The following F8 variants were observed in gnomAD, a reference collection of about 807,000 sequenced individuals.
The protein encoded by F8 is antihemophilic factor.
In F8, 12 loss-of-function variants were observed where a neutral mutation model predicts 140.6. The ratio of observed to expected loss-of-function variants is 0.09; its 90% CI spans 0.05 to 0.14. The LOEUF (loss-of-function observed/expected upper bound fraction) is 0.14, where lower values mean the gene tolerates loss of function less well. Among genes scored for constraint, F8 ranks in the 10% least tolerant of loss-of-function variants. The pLI is 1.00. For missense variants in F8, 1,354 were observed against 1,720.7 expected (o/e 0.79, Z 3.77); for synonymous variants, 585 against 614.6 (o/e 0.95, Z 0.71).
At chrX:154,971,481 T>C (rs2073456138) in intron 6 of F8, among the ~76,000 whole-genome samples, 1 of 112,167 alleles carries the variant, frequency 8.9e-6, no homozygotes, top group Admixed American at 9.5e-5. Flanking sequence ...TGTGTAATTA[T>C]TCAAATCAGG....
rs782285748 is a variant in F8 at position 154,904,910 on chromosome X, A to C, written c.5487T>G (p.Asn1829Lys). 2.5e-6 allele frequency: 3 copies of C among 1,210,545 alleles called. No homozygotes were observed. The East Asian group carries it at 8.9e-5, about 36-fold the overall frequency. The change falls in exon 16 of 26, where the codon AAT (asparagine) becomes AAG (lysine). Residue 1829 changes from asparagine to lysine, a missense_variant. Asn to Lys is a moderately conservative substitution (Grantham distance 94, BLOSUM62 0). Around this residue, in one of 4 missense-constraint regions of F8, gnomAD observed 316 missense variants for 485.4 expected, o/e 0.65. Coordinates refer to ENST00000360256, the MANE Select transcript of F8 (RefSeq NM_000132.4). ...CTTTCCAAAAGTAAGTTTTGGTTTC[A>C]TTAGGCTTGACAAAGTTTTTTCTAG... Reference protein sequence around the residue: ...AEPRKNFVKPNETKTYFWKVQ... With the variant: ...AEPRKNFVKPKETKTYFWKVQ...
At chrX:154,918,343 C>T (rs1399817351) in intron 14 of F8, among the ~76,000 whole-genome samples, 2 of 111,170 alleles carry the variant, frequency 1.8e-5, no homozygotes, top group Non-Finnish European at 3.8e-5. Flanking sequence ...ATGTGTTTTG[C>T]ATGCTGGGGT....
chrX:154,848,349 G>T (rs1253197365), intron 25 of F8, among the ~76,000 whole-genome samples: 1 of 112,884 alleles, frequency 8.9e-6, no homozygotes, highest in Non-Finnish European at 1.9e-5. Flanking sequence ...AGAGGTTACT[G>T]CTGTCTTTTT....
chrX:154,954,284 GT>G (rs2073352720), intron 11 of F8, among the ~76,000 whole-genome samples: 1 of 111,627 alleles, frequency 9.0e-6, no homozygotes, highest in South Asian at 3.7e-4. Context: ...ACTGAACTTA[GT>G]TTTTTCTGCA....
intron 12 of F8, among the ~76,000 whole-genome samples, chrX:154,952,527 A>C: frequency 9.2e-6 from 1 of 109,239 alleles, no homozygotes; most frequent in African/African-American, 3.3e-5. Flanking sequence ...CAAGGTTCCC[A>C]TGCATTTCGT....
At chrX:154,869,700 A>T (rs782728044) in intron 22 of F8, among the ~76,000 whole-genome samples, 5 of 112,059 alleles carry the variant, frequency 4.5e-5, no homozygotes, top group Admixed American at 9.5e-5. Context: ...AGATCAGAGC[A>T]GAACTGAAGG....
chrX:154,926,021 C>T (rs2073158547), intron 14 of F8, among the ~76,000 whole-genome samples: 1 of 111,996 alleles, frequency 8.9e-6, no homozygotes, highest in Non-Finnish European at 1.9e-5. Flanking sequence ...TGAATCATGG[C>T]AGTAGGTCCT....
chrX:154,841,208 CTT>C (rs1168917544), intron 25 of F8, among the ~76,000 whole-genome samples: 893 of 48,672 alleles, frequency 0.018, 10 homozygotes, highest in African/African-American at 0.065. Context: ...TTGCTTTCTT[CTT>C]TTTTTTTTTT....
chrX:154,958,645 G>T lies in F8; in HGVS notation c.1538-1474C>A, dbSNP rs192065625. 8.9e-5 allele frequency among the ~76,000 whole-genome samples: 10 copies of T among 111,931 alleles called. No individual in the cohort carries two copies. In the East Asian group the frequency reaches 2.2e-3, roughly 25 times the overall value. On this transcript the variant is annotated intron_variant, in intron 10 of 25. Coordinates refer to ENST00000360256, the MANE Select transcript of F8 (RefSeq NM_000132.4). ...GGAATTTTTTTTGAGATGCAGTCTTGCTCTGTTGCCCAGGCTGGAGTGCAG... is the reference window on the plus strand; with the variant it reads ...GGAATTTTTTTTGAGATGCAGTCTTTCTCTGTTGCCCAGGCTGGAGTGCAG...
At chrX:154,976,814 C>T (rs1440874701) in intron 6 of F8, among the ~76,000 whole-genome samples, 3 of 111,885 alleles carry the variant, frequency 2.7e-5, no homozygotes, top group Non-Finnish European at 5.6e-5. Context: ...TCTCAGTAAA[C>T]TATCGCAAGA....
chrX:154,961,267 T>A, intron 9 of F8, 99 bp from the exon 10 acceptor site: 1 of 521,657 alleles, frequency 1.9e-6, no homozygotes, highest in Non-Finnish European at 3.3e-6. Context: ...GGCCTCTATC[T>A]ACATTATAGT....
intron 4 of F8, among the ~76,000 whole-genome samples, chrX:154,989,096 G>A (rs1394036912): frequency 8.9e-6 from 1 of 111,782 alleles, no homozygotes; most frequent in Non-Finnish European, 1.9e-5. Flanking sequence ...GGTTTTCAGC[G>A]AGGTTGGGGT....
chrX:154,984,999 G>A lies in F8; in HGVS notation c.671-196C>T, dbSNP rs782493975. Among the ~76,000 whole-genome samples the A allele has an allele frequency of 3.6e-5, 4 of 112,158 alleles. No homozygotes were observed. In the South Asian group the frequency reaches 1.5e-3, roughly 42 times the overall value. On this transcript the variant is annotated intron_variant, in intron 5 of 25. Coordinates refer to ENST00000360256, the MANE Select transcript of F8 (RefSeq NM_000132.4). ...AATTATGTAAAGGCAGACATCTCTT[G>A]CTCAAACTGATTTTCTCTCCCTCCA... is the stretch of plus-strand genomic sequence containing the variant.
intron 7 of F8, among the ~76,000 whole-genome samples, chrX:154,967,227 A>G (rs1364112102): frequency 9.0e-6 from 1 of 111,460 alleles, no homozygotes; most frequent in Non-Finnish European, 1.9e-5. Context: ...ATTGGGAAAA[A>G]TGTTAGTGTA....
At chrX:155,005,936 C>A (rs1443790402) in intron 1 of F8, among the ~76,000 whole-genome samples, 2 of 111,634 alleles carry the variant, frequency 1.8e-5, no homozygotes, top group African/African-American at 3.3e-5. Flanking sequence ...ACCTCAACTT[C>A]TTTTACCCAA....
At chrX:155,021,842 GA>G (rs2124173910) in intron 1 of F8, among the ~76,000 whole-genome samples, 1 of 111,721 alleles carries the variant, frequency 9.0e-6, no homozygotes, top group Non-Finnish European at 1.9e-5. Context: ...AGAAGAGGTA[GA>G]AAAATCTGAA....
At chrX:154,936,091 T>A (rs1557279220) in intron 13 of F8, among the ~76,000 whole-genome samples, 1 of 109,407 alleles carries the variant, frequency 9.1e-6, no homozygotes, top group African/African-American at 3.3e-5. Flanking sequence ...TACAGTTGAA[T>A]GCAAATGGGA....
rs150932992 is a variant in F8 at position 154,978,777 on chromosome X, C to T, written c.787+5910G>A. ...AAAGAACTTTTTCCTGAAGATGTAT[C>T]TGTGGTGTTGCTTGGGTAGAGCACT... On this transcript the variant is annotated intron_variant, in intron 6 of 25. Coordinates refer to ENST00000360256, the MANE Select transcript of F8 (RefSeq NM_000132.4). 6.7e-4 allele frequency among the ~76,000 whole-genome samples: 73 copies of T among 109,593 alleles called. No homozygotes were observed. In the East Asian group the frequency reaches 0.019, roughly 28 times the overall value.
intron 14 of F8, among the ~76,000 whole-genome samples, chrX:154,922,806 G>A (rs1166175950): frequency 8.9e-6 from 1 of 111,865 alleles, no homozygotes; most frequent in Non-Finnish European, 1.9e-5. Flanking sequence ...ACAGATGAAG[G>A]CAGAGAGGTT....
Sources: gnomAD v4.1 joint callset for allele counts (sites outside exome capture counted in the v4.1 genomes callset) on GRCh38, gnomAD v4.1.1 for gene constraint, gnomAD v4.1.1 regional missense constraint, MANE v1.5 for transcripts, NCBI Gene and HGNC (gene_info 2026-07-23, HGNC 2026-07-21) for gene names.